The following POFUT1 variants were observed in gnomAD, a reference collection of about 807,000 sequenced individuals.
The protein encoded by POFUT1 is protein O-fucosyltransferase 1, also known as GDP-fucose protein O-fucosyltransferase 1.
A neutral mutation model predicts 42.4 loss-of-function variants in POFUT1; 16 were observed. That is an observed-to-expected ratio of 0.38 (90% CI 0.26 to 0.57). The LOEUF (loss-of-function observed/expected upper bound fraction) is 0.57. Ranked by LOEUF, POFUT1 falls within the 20% of genes least tolerant of loss-of-function variation. The pLI, the probability that POFUT1 is intolerant of heterozygous loss-of-function variation, is 0.71. For missense variants in POFUT1, 470 were observed against 504.6 expected (o/e 0.93, Z 0.66); for synonymous variants, 206 against 205.4 (o/e 1.00, Z -0.03).
intron 4 of POFUT1, among the ~76,000 whole-genome samples, chr20:32,227,314 C>T (rs1211215639): frequency 6.6e-6 from 1 of 152,026 alleles, no homozygotes; most frequent in African/African-American, 2.4e-5. Flanking sequence ...TCCAGGAGTT[C>T]GAGACCAGCC....
At chr20:32,224,717 T>C (rs2047406366) in intron 4 of POFUT1, among the ~76,000 whole-genome samples, 1 of 152,206 alleles carries the variant, frequency 6.6e-6, no homozygotes, top group Non-Finnish European at 1.5e-5. Context: ...GCAAGCAGTC[T>C]CTGTTGGGTG....
At chr20:32,233,289 CT>C (rs1341329000) in intron 6 of POFUT1, among the ~76,000 whole-genome samples, 1 of 152,266 alleles carries the variant, frequency 6.6e-6, no homozygotes, top group African/African-American at 2.4e-5. Flanking sequence ...CCAGGGAGCG[CT>C]TCCCCAAGGA....
At chr20:32,230,698 A>G in intron 5 of POFUT1, 121 bp from the exon 6 acceptor site, 2 of 1,210,208 alleles carry the variant, frequency 1.7e-6, no homozygotes, top group South Asian at 3.0e-5. Context: ...CCGTCTCAAA[A>G]AAAAAAAAAA....
rs2047460011 is a variant in POFUT1, at chr20:32,234,611, T to C, written c.1117T>C (p.Ser373Pro). 1 of 1,613,764 alleles carries C rather than the reference T, an allele frequency of 6.2e-7. No homozygotes were observed. The highest frequency in any genetic ancestry group is 8.5e-7 in the Non-Finnish European group (1 of 1,179,868). ...KRERDLQGRP[S>P]SFFGMDRPPK... The stretch of plus-strand genomic sequence containing the variant: ...GGAGCGGGACCTCCAGGGGAGGCCG[T>C]CTTCTTTCTTCGGCATGGACAGGCC... Residue 373 changes from serine (S) to proline (P), a missense_variant, in exon 7 of 7, where the codon TCT becomes CCT. Coordinates refer to ENST00000375749, the MANE Select transcript of POFUT1 (RefSeq NM_015352.2).
In POFUT1 at chr20:32,216,878, G is replaced by C. The variant is rs897728951; in HGVS notation, c.542+157G>C. The C allele has an allele frequency of 7.0e-5, 106 of 1,514,412 alleles. 1 individual carries two copies. The South Asian group carries it at 1.2e-3, about 18-fold the overall frequency. The allele number at this position is 1,514,412 out of a possible 1,614,324, so 93.8% of individuals were successfully genotyped here. A position where few individuals can be genotyped will look rare whatever the true frequency, so the allele number is the denominator to read the frequency against. ...TTGAACTTGGAATCCTGTGTGATCTGTTCCCATGTCCACGCCTGACACGGT... is the reference window on the plus strand; with the variant it reads ...TTGAACTTGGAATCCTGTGTGATCTCTTCCCATGTCCACGCCTGACACGGT... On this transcript the variant is annotated intron_variant, in intron 4 of 6. Coordinates refer to ENST00000375749, the MANE Select transcript of POFUT1 (RefSeq NM_015352.2).
Position 32,215,357 on chromosome 20 carries a change from T to A in POFUT1, c.335T>A (p.Leu112Gln). The change falls in exon 3 of 7, where the codon CTG becomes CAG. Residue 112 changes from leucine to glutamine, a missense_variant. By Grantham distance (113) the Leu-to-Gln change is moderately radical. Transcript: ENST00000375749. ...VISLEDFMEK[L>Q]APTHWPPEKR... ...AGCTTGGAGGATTTCATGGAGAAGC[T>A]GGCACCCACCCACTGGCCCCCTGAG... 1 of 1,614,134 alleles carries A rather than the reference T, an allele frequency of 6.2e-7. No homozygotes were observed. Among genetic ancestry groups the A allele is most frequent in the East Asian group, 2.2e-5 (1 of 44,872 alleles).
chr20:32,218,362 C>T (rs2047373228), intron 4 of POFUT1, among the ~76,000 whole-genome samples: 1 of 152,152 alleles, frequency 6.6e-6, no homozygotes, highest in Non-Finnish European at 1.5e-5. Context: ...TGGTCTTAAA[C>T]TCCTGGCCTC....
At chr20:32,222,144 C>G (rs966136358) in intron 4 of POFUT1, among the ~76,000 whole-genome samples, 3 of 151,426 alleles carry the variant, frequency 2.0e-5, no homozygotes, top group African/African-American at 7.3e-5. Flanking sequence ...CCAAAAATAC[C>G]AAAAAAAATT....
chr20:32,226,804 T>G (rs1464337331), intron 4 of POFUT1, among the ~76,000 whole-genome samples: 1 of 152,172 alleles, frequency 6.6e-6, no homozygotes, highest in Non-Finnish European at 1.5e-5. Context: ...GGGTTCATAT[T>G]CCATGATACA....
intron 2 of POFUT1, among the ~76,000 whole-genome samples, chr20:32,210,574 T>C (rs965103914): frequency 6.6e-6 from 1 of 152,244 alleles, no homozygotes; most frequent in African/African-American, 2.4e-5. Flanking sequence ...TCCTACCCTC[T>C]GTGCATTCCA....
Position 32,216,727 on chromosome 20 carries a change from TG to T in POFUT1, c.542+8del. ...AGAGAACAATGGAGCCAGAGGTACT[TG>T]GAGGGGGTAGCGTTTCTGGGTTTAG... is the stretch of plus-strand genomic sequence containing the variant. On this transcript the variant is annotated splice_region_variant and intron_variant, in intron 4 of 6. Transcript: ENST00000375749. 6.3e-7 allele frequency: 1 copy of T among 1,588,958 alleles called. No individual in the cohort carries two copies. Among genetic ancestry groups the T allele is most frequent in the Non-Finnish European group, 8.6e-7 (1 of 1,157,128 alleles).
chr20:32,228,215 A>C, intron 4 of POFUT1, 48 bp from the exon 5 acceptor site: 1 of 1,526,194 alleles, frequency 6.6e-7, no homozygotes, highest in African/African-American at 1.4e-5. Flanking sequence ...GGTGGCAGCC[A>C]GGCTCTCTGT....
chr20:32,222,710 G>T, intron 4 of POFUT1: 1 of 985,452 alleles, frequency 1.0e-6, no homozygotes, highest in Non-Finnish European at 1.2e-6. Context: ...CGTGATTTCT[G>T]AGGATCCTTC....
At chr20:32,220,003 T>C (rs541903049) in intron 4 of POFUT1, among the ~76,000 whole-genome samples, 4 of 152,350 alleles carry the variant, frequency 2.6e-5, no homozygotes, top group South Asian at 2.1e-4. Context: ...TTTCTGTCTT[T>C]GAATTTCTCT....
rs572332685 is a variant in POFUT1 at position 32,210,211 on chromosome 20, C to G, written c.246+19C>G. On this transcript the variant is annotated intron_variant, in intron 2 of 6. Coordinates refer to ENST00000375749, the MANE Select transcript of POFUT1 (RefSeq NM_015352.2). ...CACCAACGTGAGTACTTCCCACTGA[C>G]CTTGGCCTTTCTCCGCCCTTTCTCA... is the stretch of plus-strand genomic sequence containing the variant. 6.2e-7 allele frequency: 1 copy of G among 1,613,878 alleles called. No homozygotes were observed. The highest frequency in any genetic ancestry group is 1.3e-5 in the African/African-American group (1 of 74,936).
At chr20:32,226,771 A>C (rs2047416783) in intron 4 of POFUT1, among the ~76,000 whole-genome samples, 1 of 152,114 alleles carries the variant, frequency 6.6e-6, no homozygotes, top group Admixed American at 6.6e-5. Context: ...GCCTGTATTG[A>C]TACTGTGTTC....
chr20:32,229,812 C>G (rs561110941), intron 5 of POFUT1, among the ~76,000 whole-genome samples: 1 of 108,864 alleles, frequency 9.2e-6, no homozygotes, highest in East Asian at 4.4e-4. Flanking sequence ...ACTCCATTGC[C>G]GAGGCTGGAG....
intron 2 of POFUT1, among the ~76,000 whole-genome samples, chr20:32,211,847 C>T (rs1431384944): frequency 6.6e-6 from 1 of 152,224 alleles, no homozygotes; most frequent in East Asian, 1.9e-4. Flanking sequence ...TCCTGAACTT[C>T]CCTGTTCCAA....
rs920296043 is a variant in POFUT1 at position 32,225,207 on chromosome 20, T to C, written c.543-3056T>C. On this transcript the variant is annotated intron_variant, in intron 4 of 6. Coordinates refer to ENST00000375749, the MANE Select transcript of POFUT1 (RefSeq NM_015352.2). ...ATTTTTTATTTTTATTATTATTTTT[T>C]GAGACGGAGTCTTGCTCTGTTGCCC... Among the ~76,000 whole-genome samples, 6 of 152,212 alleles carry C rather than the reference T, an allele frequency of 3.9e-5. No individual in the cohort carries two copies. The East Asian group carries it at 1.2e-3, about 29-fold the overall frequency.
Sources: allele counts gnomAD v4.1 joint callset (sites outside exome capture counted in the v4.1 genomes callset), GRCh38; gene constraint gnomAD v4.1.1; transcripts MANE v1.5; gene names NCBI Gene and HGNC (gene_info 2026-07-23, HGNC 2026-07-21).